PTBP3: variants seen among roughly 807,000 people sequenced by gnomAD.
PTBP3 encodes the protein polypyrimidine tract-binding protein 3.
PTBP3 carries 20 observed loss-of-function variants against 58.7 expected under a neutral mutation model. The ratio of observed to expected loss-of-function variants is 0.34; its 90% CI spans 0.24 to 0.50. PTBP3 has a LOEUF of 0.50. PTBP3 is among the 20% of genes least tolerant of loss of function. The pLI, the probability that PTBP3 is intolerant of heterozygous loss-of-function variation, is 0.98. For missense variants in PTBP3, 509 were observed against 637.2 expected, an observed-to-expected ratio of 0.80 and a Z score of 2.17; for synonymous variants, 185 against 219.8, an observed-to-expected ratio of 0.84 and a Z score of 1.40.
At chr9:112,294,172 A>G (rs529311747) in intron 2 of PTBP3, among the ~76,000 whole-genome samples, 1 of 152,214 alleles carries the variant, frequency 6.6e-6, no homozygotes, top group Non-Finnish European at 1.5e-5. Flanking sequence ...ATAAAAACTA[A>G]GTAAAATAGA....
chr9:112,375,095 G>C, the PTBP3 span, among the ~76,000 whole-genome samples: 2 of 152,178 alleles, frequency 1.3e-5, no homozygotes, highest in African/African-American at 4.8e-5. Context: ...GGTGGTTGGG[G>C]AAAGAGGCTG....
intron 1 of PTBP3, among the ~76,000 whole-genome samples, chr9:112,315,480 A>G (rs1020115533): frequency 1.3e-5 from 2 of 152,144 alleles, no homozygotes; most frequent in Non-Finnish European, 2.9e-5. Context: ...AAAGAAATAG[A>G]AAATTTGTAC....
chr9:112,296,736 T>G (rs910462228), intron 2 of PTBP3, among the ~76,000 whole-genome samples: 1 of 152,184 alleles, frequency 6.6e-6, no homozygotes, highest in Non-Finnish European at 1.5e-5. Context: ...TATACAAATC[T>G]GAACCTGTGT....
chr9:112,227,447 A>G lies in PTBP3; in HGVS notation c.1328T>C (p.Phe443Ser). The change falls in exon 12 of 14, where the codon TTT (phenylalanine) becomes TCT (serine). Residue 443 changes from phenylalanine (F) to serine (S), a missense_variant. By Grantham distance (155) the Phe-to-Ser change is radical. Around this residue, in one of 4 missense-constraint regions of PTBP3, gnomAD observed 135 missense variants for 229.0 expected, o/e 0.59. Coordinates refer to ENST00000374257, the MANE Select transcript of PTBP3 (RefSeq NM_001163788.4). ...AAGATGCAGAGTGGCTGATGGTGGA[A>G]AGATATTCTGGAAGTTTTTAGAGCC... ...KPGSKNFQNI[F>S]PPSATLHLSN... is the part of the protein sequence containing the mutation. 6.2e-7 allele frequency: 1 copy of G among 1,614,018 alleles called. No individual in the cohort carries two copies.
chr9:112,220,640 G>T lies in PTBP3; in HGVS notation c.*3211C>A, dbSNP rs917010147. ...TATGGCATTCTGTAAGAGCTGCTGG[G>T]TAATTCTGATACTCTCCAGTAAGTA... On this transcript the variant is annotated 3_prime_UTR_variant, in exon 14 of 14. Transcript: ENST00000374257. 86 of 993,216 alleles carry T rather than the reference G, an allele frequency of 8.7e-5. No individual in the cohort carries two copies. The Admixed American group carries it at 4.9e-3, about 57-fold the overall frequency. 61.5% of individuals were successfully genotyped at this position (993,216 alleles called of 1,614,324 possible). A position where few individuals can be genotyped will look rare whatever the true frequency, so the allele number is the denominator to read the frequency against.
chr9:112,238,263 G>T (rs933733646), intron 7 of PTBP3, among the ~76,000 whole-genome samples: 4 of 152,070 alleles, frequency 2.6e-5, no homozygotes, highest in African/African-American at 7.2e-5. Context: ...TTTTAAAAAT[G>T]AACCAAATAA....
chr9:112,333,376 G>A (rs555013190), intron 1 of PTBP3, 94 bp downstream of exon 1: 188 of 1,346,602 alleles, frequency 1.4e-4, no homozygotes, highest in Non-Finnish European at 1.7e-4. Context: ...CCGGCGCCGC[G>A]CACTGCTCCC....
rs1836084100 is a variant in PTBP3, at chr9:112,250,875, T to C, written c.802+54A>G. 4.2e-6 allele frequency: 6 copies of C among 1,426,804 alleles called. No homozygotes were observed. In the East Asian group the frequency reaches 1.2e-4, roughly 30 times the overall value. The allele number at this position is 1,426,804 out of a possible 1,614,324, so 88.4% of individuals were successfully genotyped here. ...TTATAAACATACATGGCTTAATAAA[T>C]GAAACTTGTAACTTCAGAAAACTTG... On this transcript the variant is annotated intron_variant, in intron 7 of 13. Coordinates refer to ENST00000374257, the MANE Select transcript of PTBP3 (RefSeq NM_001163788.4).
chr9:112,309,453 T>G (rs757904465), intron 1 of PTBP3, among the ~76,000 whole-genome samples: 11 of 152,134 alleles, frequency 7.2e-5, no homozygotes, highest in Non-Finnish European at 1.2e-4. Flanking sequence ...ACTACAATGT[T>G]TCATATATAA....
intron 1 of PTBP3, among the ~76,000 whole-genome samples, chr9:112,327,957 G>T (rs1830224353): frequency 6.6e-6 from 1 of 152,104 alleles, no homozygotes; most frequent in Non-Finnish European, 1.5e-5. Context: ...GAAGAAAATA[G>T]CAAAAATCCC....
chr9:112,325,514 G>C (rs950146484), intron 1 of PTBP3, among the ~76,000 whole-genome samples: 3 of 150,960 alleles, frequency 2.0e-5, no homozygotes. Flanking sequence ...ATTTCTCCTG[G>C]TTGTGAGACA....
intron 2 of PTBP3, among the ~76,000 whole-genome samples, chr9:112,290,687 AATATATATAT>A (rs67387323): frequency 3.5e-5 from 3 of 85,010 alleles, no homozygotes; most frequent in Non-Finnish European, 6.6e-5. Flanking sequence ...AAAAAAAAAA[AATATATATAT>A]ATATATATAT....
At position 112,224,181 on chromosome 9, in the gene PTBP3, T is replaced by C. The variant is rs1834897919; in HGVS notation, c.1394A>G (p.Asn465Ser). ...TGAACATCCAGCTTCTATGAAAAGG[T>C]TCTTCAGATCATCCACTGTAACAGA... ...PPSVTVDDLK[N>S]LFIEAGCSVK... Residue 465 changes from asparagine (N) to serine (S), a missense_variant, in exon 13 of 14, where the codon AAC becomes AGC. Transcript: ENST00000374257. 1.5e-5 allele frequency: 24 copies of C among 1,565,308 alleles called. No homozygotes were observed. Among genetic ancestry groups the C allele is most frequent in the Non-Finnish European group, 2.1e-5 (24 of 1,163,578 alleles).
chr9:112,256,608 A>G (rs1367833378), intron 5 of PTBP3, among the ~76,000 whole-genome samples: 2 of 152,038 alleles, frequency 1.3e-5, no homozygotes, highest in Admixed American at 6.6e-5. Flanking sequence ...ATAGTTCACT[A>G]TAACCTTGAA....
chr9:112,327,475 A>C (rs983104906), intron 1 of PTBP3, among the ~76,000 whole-genome samples: 3 of 151,996 alleles, frequency 2.0e-5, no homozygotes, highest in African/African-American at 4.8e-5. Flanking sequence ...CAGGAGAATC[A>C]CTTGAACCCA....
At chr9:112,256,275 ATATATATATATATATATAC>A (rs1398421695) in intron 5 of PTBP3, among the ~76,000 whole-genome samples, 14 of 57,558 alleles carry the variant, frequency 2.4e-4, no homozygotes, top group East Asian at 7.9e-4. Flanking sequence ...AAAACAAAAT[ATATATATATATATATATAC>A]ATATATATAT....
At chr9:112,251,172 T>C in intron 6 of PTBP3, 69 bp from the exon 7 acceptor site, 1 of 1,264,656 alleles carries the variant, frequency 7.9e-7, no homozygotes, top group South Asian at 2.3e-5. Context: ...GCCTCTACTT[T>C]GACAAAGAGT....
the PTBP3 span, among the ~76,000 whole-genome samples, chr9:112,376,911 G>C: frequency 6.6e-6 from 1 of 152,146 alleles, no homozygotes; most frequent in Non-Finnish European, 1.5e-5. Flanking sequence ...TTGACACTCA[G>C]TATTAACCAT....
rs769866273 is a variant in PTBP3, at chr9:112,227,379, T to C, written c.1364+32A>G. 3 of 1,580,356 alleles carry C rather than the reference T, an allele frequency of 1.9e-6. No homozygotes were observed. The Admixed American group carries it at 5.0e-5, about 26-fold the overall frequency. ...ATCACATATTGTAGATTATTCATCATCTAAGTGATTAATAACTTATTAGGT... is the reference window on the plus strand; with the variant it reads ...ATCACATATTGTAGATTATTCATCACCTAAGTGATTAATAACTTATTAGGT... On this transcript the variant is annotated intron_variant, in intron 12 of 13. Coordinates refer to ENST00000374257, the MANE Select transcript of PTBP3 (RefSeq NM_001163788.4).
Sources: gnomAD v4.1 joint callset for allele counts (sites outside exome capture counted in the v4.1 genomes callset) on GRCh38, gnomAD v4.1.1 for gene constraint, gnomAD v4.1.1 regional missense constraint, MANE v1.5 for transcripts, NCBI Gene and HGNC (gene_info 2026-07-23, HGNC 2026-07-21) for gene names.